DENND1A: variants seen among roughly 807,000 people sequenced by gnomAD.
DENND1A encodes the protein DENN domain-containing protein 1A.
Under a neutral mutation model 113.7 loss-of-function variants are expected in DENND1A, and 51 were observed. The observed-to-expected ratio is 0.45, with a 90% CI of 0.36 to 0.57. DENND1A has a LOEUF of 0.57. Among genes scored for constraint, DENND1A ranks in the 20% least tolerant of loss-of-function variants. DENND1A has a pLI of 0.00. For missense variants in DENND1A, 1,258 were observed against 1,395.9 expected, an observed-to-expected ratio of 0.90 and a Z score of 1.57; for synonymous variants, 565 against 570.8, an observed-to-expected ratio of 0.99 and a Z score of 0.14.
chr9:123,614,591 T>TAA (rs879563400), intron 10 of DENND1A, among the ~76,000 whole-genome samples: 7 of 142,506 alleles, frequency 4.9e-5, no homozygotes, highest in African/African-American at 1.8e-4. Flanking sequence ...ACTGGCTGCT[T>TAA]AAAAAAAAAA....
intron 1 of DENND1A, among the ~76,000 whole-genome samples, chr9:123,923,386 C>T (rs1470487918): frequency 3.3e-5 from 5 of 152,216 alleles, no homozygotes; most frequent in Admixed American, 2.6e-4. Flanking sequence ...AGTCTCTCTA[C>T]ATTCTCCTTT....
At chr9:123,429,159 C>T (rs898143314) in intron 19 of DENND1A, among the ~76,000 whole-genome samples, 1 of 152,180 alleles carries the variant, frequency 6.6e-6, no homozygotes, top group Admixed American at 6.5e-5. Context: ...GCTACAGTAA[C>T]CAAAACAGCA....
At chr9:123,622,272 T>C (rs1013334533) in intron 10 of DENND1A, among the ~76,000 whole-genome samples, 2 of 152,214 alleles carry the variant, frequency 1.3e-5, no homozygotes, top group Admixed American at 6.5e-5. Flanking sequence ...AAATGTGTGT[T>C]AATAAGTGCC....
At chr9:123,483,082 G>A (rs2050481966) in intron 13 of DENND1A, among the ~76,000 whole-genome samples, 2 of 152,216 alleles carry the variant, frequency 1.3e-5, no homozygotes, top group South Asian at 4.1e-4. Context: ...CTGCCAGGCA[G>A]GAATGGAAAG....
intron 13 of DENND1A, among the ~76,000 whole-genome samples, chr9:123,515,541 A>G (rs2053826900): frequency 6.6e-6 from 1 of 152,234 alleles, no homozygotes; most frequent in Non-Finnish European, 1.5e-5. Flanking sequence ...GTAAAACATT[A>G]ATTATCAGTG....
At chr9:123,769,794 CA>C (rs1319896894) in intron 3 of DENND1A, among the ~76,000 whole-genome samples, 4 of 152,064 alleles carry the variant, frequency 2.6e-5, no homozygotes, top group Non-Finnish European at 1.5e-5. Context: ...CATGGGCAAG[CA>C]GCAGGAGCCA....
chr9:123,727,806 A>G (rs968633026), intron 5 of DENND1A, among the ~76,000 whole-genome samples: 1 of 152,184 alleles, frequency 6.6e-6, no homozygotes, highest in Non-Finnish European at 1.5e-5. Context: ...AAAGAAAGAA[A>G]TCAAAGAATC....
At chr9:123,744,277 G>T (rs2069279500) in intron 5 of DENND1A, among the ~76,000 whole-genome samples, 1 of 152,018 alleles carries the variant, frequency 6.6e-6, no homozygotes, top group Non-Finnish European at 1.5e-5. Context: ...ATAAAAATTT[G>T]TCTCTTGCTT....
At chr9:123,676,910 C>G (rs976872402) in intron 5 of DENND1A, 121 bp from the exon 6 acceptor site, 1 of 914,344 alleles carries the variant, frequency 1.1e-6, no homozygotes, top group African/African-American at 1.7e-5. Context: ...CTTCCTGTCA[C>G]AGACTGGTGG....
At chr9:123,467,880 C>T (rs1396455472) in intron 13 of DENND1A, among the ~76,000 whole-genome samples, 1 of 152,196 alleles carries the variant, frequency 6.6e-6, no homozygotes, top group Non-Finnish European at 1.5e-5. Context: ...CACTCACACA[C>T]ACATCTCCTC....
At chr9:123,520,217 G>A (rs1273928275) in intron 13 of DENND1A, among the ~76,000 whole-genome samples, 1 of 146,176 alleles carries the variant, frequency 6.8e-6, no homozygotes, top group Non-Finnish European at 1.5e-5. Context: ...AGCATTTTCA[G>A]AGGCTGAGGT....
intron 13 of DENND1A, among the ~76,000 whole-genome samples, chr9:123,468,405 C>A (rs1588679077): frequency 6.6e-6 from 1 of 152,178 alleles, no homozygotes; most frequent in African/African-American, 2.4e-5. Flanking sequence ...GCAGCTAAGG[C>A]GGACAACCCC....
intron 13 of DENND1A, among the ~76,000 whole-genome samples, chr9:123,484,993 G>A (rs1245615665): frequency 2.0e-5 from 3 of 152,172 alleles, no homozygotes; most frequent in Admixed American, 6.5e-5. Flanking sequence ...GGCTACAGGC[G>A]ACCTGATGTA....
At chr9:123,729,443 C>G (rs2067995963) in intron 5 of DENND1A, among the ~76,000 whole-genome samples, 1 of 152,080 alleles carries the variant, frequency 6.6e-6, no homozygotes, top group Admixed American at 6.6e-5. Context: ...CATGCAAAAA[C>G]AAGCATTCCT....
intron 13 of DENND1A, chr9:123,492,730 T>G (rs1274814090): frequency 1.3e-5 from 2 of 152,170 alleles, no homozygotes; most frequent in Non-Finnish European, 2.9e-5. Flanking sequence ...CATGTGATAA[T>G]GACTGTGAAG....
intron 5 of DENND1A, among the ~76,000 whole-genome samples, chr9:123,748,139 T>C (rs947847807): frequency 2.6e-5 from 4 of 152,212 alleles, no homozygotes; most frequent in South Asian, 2.1e-4. Context: ...AAATAAATTA[T>C]GTAGTTAAAA....
chr9:123,836,440 C>T (rs1364953786), intron 2 of DENND1A, among the ~76,000 whole-genome samples: 4 of 151,930 alleles, frequency 2.6e-5, no homozygotes, highest in Non-Finnish European at 5.9e-5. Flanking sequence ...GAAAAAGTAA[C>T]ACAAGTTCAT....
chr9:123,599,552 A>G (rs748792027), intron 11 of DENND1A, among the ~76,000 whole-genome samples: 1 of 152,160 alleles, frequency 6.6e-6, no homozygotes, highest in Non-Finnish European at 1.5e-5. Flanking sequence ...TCATCACTTT[A>G]TGGCAGGTGT....
intron 1 of DENND1A, among the ~76,000 whole-genome samples, chr9:123,900,297 A>C (rs1851405024): frequency 6.6e-6 from 1 of 152,210 alleles, no homozygotes; most frequent in South Asian, 2.1e-4. Context: ...GTAATTATGC[A>C]ATATACAGCA....
Sources: gnomAD v4.1 joint callset for allele counts (sites outside exome capture counted in the v4.1 genomes callset) on GRCh38, gnomAD v4.1.1 for gene constraint, MANE v1.5 for transcripts, NCBI Gene and HGNC (gene_info 2026-07-23, HGNC 2026-07-21) for gene names.